The following ATRNL1 variants were observed in gnomAD, a reference collection of about 807,000 sequenced individuals.
The protein encoded by ATRNL1 is attractin-like protein 1.
In ATRNL1, 95 loss-of-function variants were observed where a neutral mutation model predicts 182.7. The ratio of observed to expected loss-of-function variants is 0.52; its 90% CI spans 0.44 to 0.62. The LOEUF (loss-of-function observed/expected upper bound fraction) is 0.62. Among genes scored for constraint, ATRNL1 ranks in the 20% least tolerant of loss-of-function variants. ATRNL1 has a pLI of 0.00. For synonymous variants in ATRNL1, 576 were observed against 568.3 expected, an observed-to-expected ratio of 1.01 and a Z score of -0.19; for missense variants, 1,471 against 1,679.5, an observed-to-expected ratio of 0.88 and a Z score of 2.17.
chr10:115,777,034 C>T (rs368354411), intron 27 of ATRNL1, among the ~76,000 whole-genome samples: 171 of 152,216 alleles, frequency 1.1e-3, no homozygotes, highest in Admixed American at 1.3e-3. Context: ...ATGTCTCTAA[C>T]TTTGAAATGT....
intron 26 of ATRNL1, among the ~76,000 whole-genome samples, chr10:115,663,969 T>A (rs1160159674): frequency 6.6e-6 from 1 of 152,168 alleles, no homozygotes; most frequent in African/African-American, 2.4e-5. Context: ...CAAATCCCAC[T>A]GCTTGACCCA....
intron 27 of ATRNL1, among the ~76,000 whole-genome samples, chr10:115,778,649 A>G (rs72826890): frequency 0.025 from 3,736 of 152,346 alleles, 66 homozygotes; most frequent in Non-Finnish European, 0.036. Context: ...ATTGGGCCAG[A>G]CCGCCTAGGC....
At position 115,165,592 on chromosome 10, in the gene ATRNL1, A is replaced by G. The variant is rs782530121; in HGVS notation, c.1039A>G (p.Thr347Ala). The G allele has an allele frequency of 1.6e-5, 24 of 1,538,712 alleles. No homozygotes were observed. The South Asian group carries it at 2.2e-4, about 14-fold the overall frequency. Residue 347 changes from threonine (T) to alanine (A), a missense_variant, in exon 7 of 29, where the codon ACT (threonine) becomes GCT (alanine). Thr to Ala is a moderately conservative substitution (Grantham distance 58). Transcript: ENST00000355044. The part of the protein sequence containing the change: ...NLESSIWNVG[T>A]PSRGPLQRYG... ...AGAAAGCAGTATATGGAATGTAGGA[A>G]CTCCATCAAGGGGACCTCTCCAGAG...
At chr10:115,414,944 C>T (rs1016346494) in intron 20 of ATRNL1, among the ~76,000 whole-genome samples, 4 of 151,966 alleles carry the variant, frequency 2.6e-5, no homozygotes, top group South Asian at 2.1e-4. Flanking sequence ...CAAATCTATT[C>T]GGGGACATTT....
chr10:115,439,404 G>C (rs1410314571), intron 21 of ATRNL1, among the ~76,000 whole-genome samples: 1 of 151,720 alleles, frequency 6.6e-6, no homozygotes, highest in Non-Finnish European at 1.5e-5. Flanking sequence ...CTGAACATTG[G>C]TTTACATTTT....
chr10:115,456,036 G>A (rs1317404641), intron 21 of ATRNL1, among the ~76,000 whole-genome samples: 6 of 152,146 alleles, frequency 3.9e-5, no homozygotes, highest in African/African-American at 1.2e-4. Flanking sequence ...CATTGTTGGT[G>A]GGAGTGTAAA....
chr10:115,647,435 A>G (rs1334664288), intron 26 of ATRNL1, among the ~76,000 whole-genome samples: 2 of 152,076 alleles, frequency 1.3e-5, no homozygotes, highest in African/African-American at 2.4e-5. Flanking sequence ...AAGCGTTCCT[A>G]TTTCTCTACA....
chr10:115,352,281 T>C (rs1420906885), intron 19 of ATRNL1, among the ~76,000 whole-genome samples: 1 of 151,998 alleles, frequency 6.6e-6, no homozygotes, highest in Non-Finnish European at 1.5e-5. Context: ...CTTTTATATA[T>C]ATTTTTTAGT....
intron 27 of ATRNL1, among the ~76,000 whole-genome samples, chr10:115,780,127 C>T (rs1298428481): frequency 3.9e-5 from 6 of 152,158 alleles, no homozygotes; most frequent in South Asian, 2.1e-4. Flanking sequence ...GCCACATGCA[C>T]GGAGAGAGAA....
intron 27 of ATRNL1, among the ~76,000 whole-genome samples, chr10:115,748,917 A>G (rs1242371303): frequency 6.6e-6 from 1 of 152,010 alleles, no homozygotes; most frequent in African/African-American, 2.4e-5. Flanking sequence ...ATGCAAATGT[A>G]TTTAGCTTAA....
intron 26 of ATRNL1, among the ~76,000 whole-genome samples, chr10:115,676,546 T>C (rs898139037): frequency 3.9e-5 from 6 of 152,002 alleles, no homozygotes; most frequent in African/African-American, 1.4e-4. Flanking sequence ...TCTGTCTATG[T>C]ATGTATATCT....
chr10:115,384,314 C>T (rs1157943107), intron 19 of ATRNL1, among the ~76,000 whole-genome samples: 1 of 151,944 alleles, frequency 6.6e-6, no homozygotes, highest in Non-Finnish European at 1.5e-5. Context: ...GAAATCACTA[C>T]CACAATCAAG....
At chr10:115,456,986 G>A (rs1847555145) in intron 21 of ATRNL1, among the ~76,000 whole-genome samples, 2 of 152,104 alleles carry the variant, frequency 1.3e-5, no homozygotes, top group Admixed American at 1.3e-4. Context: ...TCAGCAAGTG[G>A]AATGAAGTGT....
At chr10:115,311,486 C>T (rs1225443937) in intron 17 of ATRNL1, among the ~76,000 whole-genome samples, 5 of 152,230 alleles carry the variant, frequency 3.3e-5, no homozygotes, top group South Asian at 2.1e-4. Flanking sequence ...TGCGCCCAGC[C>T]GATTTTGATT....
chr10:115,423,582 C>G (rs1394104609), intron 20 of ATRNL1, among the ~76,000 whole-genome samples: 1 of 152,032 alleles, frequency 6.6e-6, no homozygotes, highest in Non-Finnish European at 1.5e-5. Flanking sequence ...TTTAAAAAGA[C>G]ACACAAACTA....
At chr10:115,442,492 T>C (rs782755218) in intron 21 of ATRNL1, among the ~76,000 whole-genome samples, 27 of 152,106 alleles carry the variant, frequency 1.8e-4, no homozygotes, top group Non-Finnish European at 3.5e-4. Flanking sequence ...GCTTTTGCTG[T>C]AAAGGGCCAA....
chr10:115,418,081 A>C (rs1352834250), intron 20 of ATRNL1, among the ~76,000 whole-genome samples: 1 of 152,224 alleles, frequency 6.6e-6, no homozygotes, highest in Non-Finnish European at 1.5e-5. Context: ...AAGGTGCCAG[A>C]GACTGGCCCT....
At chr10:115,883,236 A>T (rs1050247089) in intron 28 of ATRNL1, among the ~76,000 whole-genome samples, 4 of 152,190 alleles carry the variant, frequency 2.6e-5, no homozygotes, top group Admixed American at 1.3e-4. Context: ...AATGGAGAAT[A>T]AGTTATATTT....
intron 27 of ATRNL1, among the ~76,000 whole-genome samples, chr10:115,831,087 A>G (rs1457711943): frequency 6.6e-6 from 1 of 151,964 alleles, no homozygotes; most frequent in African/African-American, 2.4e-5. Flanking sequence ...AAGAAAAGCA[A>G]TTTCCTAAGA....
Sources: allele counts gnomAD v4.1 joint callset (sites outside exome capture counted in the v4.1 genomes callset), GRCh38; gene constraint gnomAD v4.1.1; transcripts MANE v1.5; gene names NCBI Gene and HGNC (gene_info 2026-07-23, HGNC 2026-07-21).